UNC13C: variants seen among roughly 807,000 people sequenced by gnomAD.
UNC13C encodes the protein unc-13 homolog C.
A neutral mutation model predicts 245.4 loss-of-function variants in UNC13C; 174 were observed. The ratio of observed to expected loss-of-function variants is 0.71; its 90% CI spans 0.63 to 0.80. The LOEUF (loss-of-function observed/expected upper bound fraction) is 0.80, where lower values mean the gene tolerates loss of function less well. Among genes scored for constraint, UNC13C ranks in the 30% least tolerant of loss-of-function variants. The pLI is 0.00. For missense variants in UNC13C, 2,829 were observed against 2,602.9 expected, an observed-to-expected ratio of 1.09 and a Z score of -1.89; for synonymous variants, 992 against 895.1, an observed-to-expected ratio of 1.11 and a Z score of -1.93.
intron 2 of UNC13C, among the ~76,000 whole-genome samples, chr15:54,056,988 A>G (rs1463490409): frequency 6.6e-6 from 1 of 152,222 alleles, no homozygotes; most frequent in Non-Finnish European, 1.5e-5. Flanking sequence ...AACAACTGGT[A>G]CCAGCCACTG....
intron 29 of UNC13C, among the ~76,000 whole-genome samples, chr15:54,563,028 CTT>C (rs985016105): frequency 9.2e-5 from 14 of 151,982 alleles, no homozygotes; most frequent in African/African-American, 3.4e-4. Flanking sequence ...ATCTTTATGA[CTT>C]TTAAAAATTT....
intron 8 of UNC13C, among the ~76,000 whole-genome samples, chr15:54,252,365 A>C (rs1287428027): frequency 6.6e-6 from 1 of 152,204 alleles, no homozygotes; most frequent in East Asian, 1.9e-4. Flanking sequence ...TAAATTATGC[A>C]ATCCAAAATT....
At chr15:54,608,805 T>C (rs1022247672) in intron 30 of UNC13C, among the ~76,000 whole-genome samples, 1 of 152,220 alleles carries the variant, frequency 6.6e-6, no homozygotes, top group Non-Finnish European at 1.5e-5. Flanking sequence ...ACAAATGTTA[T>C]TCATTCTGTT....
At chr15:54,019,364 C>T (rs1340370377) in intron 2 of UNC13C, among the ~76,000 whole-genome samples, 13 of 152,166 alleles carry the variant, frequency 8.5e-5, no homozygotes, top group Admixed American at 7.9e-4. Flanking sequence ...GAGATATTCA[C>T]GAGAAACCAG....
chr15:54,127,244 A>AC (rs2031104074), intron 2 of UNC13C, among the ~76,000 whole-genome samples: 1 of 152,216 alleles, frequency 6.6e-6, no homozygotes, highest in Non-Finnish European at 1.5e-5. Flanking sequence ...TACGATAAAG[A>AC]CACATGCACA....
intron 18 of UNC13C, among the ~76,000 whole-genome samples, chr15:54,410,485 G>C (rs2040394289): frequency 6.6e-6 from 1 of 151,618 alleles, no homozygotes; most frequent in Non-Finnish European, 1.5e-5. Context: ...GTTCTTCTGG[G>C]TTCTTATAGT....
chr15:54,260,155 A>G (rs2036387122), intron 8 of UNC13C, among the ~76,000 whole-genome samples: 1 of 152,178 alleles, frequency 6.6e-6, no homozygotes, highest in Non-Finnish European at 1.5e-5. Flanking sequence ...AAGAGGTAGC[A>G]TAAGGAATGG....
intron 19 of UNC13C, among the ~76,000 whole-genome samples, chr15:54,443,051 T>A (rs905719083): frequency 6.6e-6 from 1 of 152,234 alleles, no homozygotes; most frequent in South Asian, 2.1e-4. Flanking sequence ...GTTATGGGCT[T>A]TTCTTTCTCC....
At chr15:53,935,268 C>T in the UNC13C span, among the ~76,000 whole-genome samples, 4 of 151,888 alleles carry the variant, frequency 2.6e-5, no homozygotes, top group South Asian at 4.2e-4. Flanking sequence ...AGTAAGAAAC[C>T]ATAATGTATG....
At chr15:54,364,110 G>C (rs1450830168) in intron 17 of UNC13C, among the ~76,000 whole-genome samples, 1 of 152,066 alleles carries the variant, frequency 6.6e-6, no homozygotes, top group East Asian at 1.9e-4. Flanking sequence ...AGAAACATCA[G>C]AAAATGAGCT....
At chr15:54,291,117 C>A (rs991443294) in intron 10 of UNC13C, among the ~76,000 whole-genome samples, 1 of 151,942 alleles carries the variant, frequency 6.6e-6, no homozygotes. Context: ...AGAATGTTAG[C>A]CACTTTTAAT....
At chr15:53,848,272 T>C in the UNC13C span, among the ~76,000 whole-genome samples, 1 of 152,154 alleles carries the variant, frequency 6.6e-6, no homozygotes, top group Admixed American at 6.5e-5. Flanking sequence ...TATAGGGTCT[T>C]TTAGTAGAAG....
chr15:54,524,197 A>T (rs1011131869), intron 24 of UNC13C, among the ~76,000 whole-genome samples: 3 of 149,634 alleles, frequency 2.0e-5, no homozygotes, highest in African/African-American at 7.7e-5. Context: ...CAGATATGTT[A>T]ATTTTCTCAC....
intron 30 of UNC13C, among the ~76,000 whole-genome samples, chr15:54,612,754 A>T (rs1900187315): frequency 6.6e-6 from 1 of 151,960 alleles, no homozygotes; most frequent in African/African-American, 2.4e-5. Flanking sequence ...TTTTAAAGCT[A>T]CCCTCCAAAT....
At chr15:54,082,658 C>A (rs1320071866) in intron 2 of UNC13C, among the ~76,000 whole-genome samples, 1 of 152,146 alleles carries the variant, frequency 6.6e-6, no homozygotes, top group South Asian at 2.1e-4. Context: ...TTTTGTACTG[C>A]TGGAGTTCTC....
intron 30 of UNC13C, among the ~76,000 whole-genome samples, chr15:54,617,687 G>A (rs561940188): frequency 6.6e-6 from 1 of 152,156 alleles, no homozygotes; most frequent in East Asian, 1.9e-4. Context: ...AGGGAAGAAA[G>A]CACTGGAATG....
intron 4 of UNC13C, among the ~76,000 whole-genome samples, chr15:54,205,023 A>G (rs1223421710): frequency 6.6e-6 from 1 of 151,992 alleles, no homozygotes; most frequent in Non-Finnish European, 1.5e-5. Flanking sequence ...CCGTAATCCC[A>G]TAATTGGGAG....
In UNC13C at chr15:54,455,205, CTATATATATATATA is replaced by C. The variant is rs1214014395; in HGVS notation, c.4934-39383_4934-39370del. ...TCTCTCTCTCTCTCTCTCTCTCTCT[CTATATATATATATA>C]TATATATATATATATATATGTTTTT... On this transcript the variant is annotated intron_variant, in intron 19 of 32. Transcript: ENST00000260323. 2.1e-3 allele frequency among the ~76,000 whole-genome samples: 40 copies of C among 18,964 alleles called. 3 individuals are homozygous for C. The highest frequency in any genetic ancestry group is 0.021 in the South Asian group (5 of 238). The allele number at this position is 18,964 out of a possible 152,430, so 12.4% of individuals were successfully genotyped here.
At chr15:54,352,250 T>C (rs1485114809) in intron 17 of UNC13C, among the ~76,000 whole-genome samples, 1 of 148,726 alleles carries the variant, frequency 6.7e-6, no homozygotes, top group East Asian at 1.9e-4. Context: ...TTATATATTG[T>C]GATTATACAA....
Sources: allele counts gnomAD v4.1 joint callset (sites outside exome capture counted in the v4.1 genomes callset), GRCh38; gene constraint gnomAD v4.1.1; transcripts MANE v1.5; gene names NCBI Gene and HGNC (gene_info 2026-07-23, HGNC 2026-07-21).